The following SPATA6 variants were observed in gnomAD, a reference collection of about 807,000 sequenced individuals.
SPATA6 encodes the protein spermatogenesis associated 6.
A neutral mutation model predicts 65.3 loss-of-function variants in SPATA6; 56 were observed. The observed-to-expected ratio is 0.86, with a 90% confidence interval of 0.69 to 1.07. The LOEUF is 1.07. Among genes scored for constraint, SPATA6 ranks in the 50% least tolerant of loss-of-function variants. The probability of loss-of-function intolerance (pLI) is 0.00; values close to 1 mark genes in which losing one functional copy is unlikely to be tolerated. For missense variants in SPATA6, 590 were observed against 594.8 expected, an observed-to-expected ratio of 0.99 and a Z score of 0.08; for synonymous variants, 199 against 213.2, an observed-to-expected ratio of 0.93 and a Z score of 0.58.
At chr1:48,392,137 G>A (rs1359230753) in intron 8 of SPATA6, among the ~76,000 whole-genome samples, 1 of 152,082 alleles carries the variant, frequency 6.6e-6, no homozygotes, top group Non-Finnish European at 1.5e-5. Context: ...ACTAGGATTT[G>A]AAATGTTATT....
intron 5 of SPATA6, among the ~76,000 whole-genome samples, chr1:48,404,820 G>C (rs909427301): frequency 1.3e-5 from 2 of 152,046 alleles, no homozygotes; most frequent in African/African-American, 2.4e-5. Context: ...TCACCACCTT[G>C]AACACTGTTT....
At chr1:48,398,440 T>C (rs1258013215) in intron 7 of SPATA6, among the ~76,000 whole-genome samples, 2 of 151,722 alleles carry the variant, frequency 1.3e-5, no homozygotes, top group Non-Finnish European at 3.0e-5. Context: ...CAAAGGGGCA[T>C]ATTTACATGT....
At chr1:48,342,197 A>G (rs193126605) in intron 11 of SPATA6, among the ~76,000 whole-genome samples, 2 of 152,194 alleles carry the variant, frequency 1.3e-5, no homozygotes, top group African/African-American at 4.8e-5. Flanking sequence ...CATGGGTAAC[A>G]TGTATACAAA....
At chr1:48,448,260 CA>C (rs56675907) in intron 3 of SPATA6, among the ~76,000 whole-genome samples, 20,412 of 119,566 alleles carry the variant, frequency 0.17, 1,469 homozygotes, top group African/African-American at 0.23. Flanking sequence ...GATCCTGTCT[CA>C]AAAAAAAAAA....
the SPATA6 span, among the ~76,000 whole-genome samples, chr1:48,287,661 T>A: frequency 6.6e-6 from 1 of 152,228 alleles, no homozygotes; most frequent in African/African-American, 2.4e-5. Flanking sequence ...AGCTCTCCCT[T>A]TGCCTTCTGC....
intron 11 of SPATA6, among the ~76,000 whole-genome samples, chr1:48,320,570 T>G (rs541462957): frequency 6.6e-6 from 1 of 152,320 alleles, no homozygotes; most frequent in South Asian, 2.1e-4. Flanking sequence ...AAACAAGAGC[T>G]GAGGGACTTC....
At chr1:48,470,109 G>A (rs1570668159) in intron 1 of SPATA6, among the ~76,000 whole-genome samples, 1 of 152,294 alleles carries the variant, frequency 6.6e-6, no homozygotes, top group South Asian at 2.1e-4. Flanking sequence ...AAGTAACAAA[G>A]CTCCGTTATA....
intron 11 of SPATA6, among the ~76,000 whole-genome samples, chr1:48,341,509 T>C (rs1646214280): frequency 6.6e-6 from 1 of 152,190 alleles, no homozygotes. Context: ...GTGGTAGTAT[T>C]ATAAAGCTTG....
the SPATA6 span, among the ~76,000 whole-genome samples, chr1:48,266,722 T>G: frequency 6.6e-6 from 1 of 152,156 alleles, no homozygotes; most frequent in Admixed American, 6.5e-5. Flanking sequence ...CAAAAACAAT[T>G]CCCCTCCAGG....
the SPATA6 span, among the ~76,000 whole-genome samples, chr1:48,272,554 T>C: frequency 3.3e-5 from 5 of 152,168 alleles, no homozygotes; most frequent in African/African-American, 1.2e-4. Flanking sequence ...CCTTTGTGTA[T>C]ATATATACTA....
intron 11 of SPATA6, among the ~76,000 whole-genome samples, chr1:48,316,638 TA>T (rs1459949769): frequency 2.0e-5 from 3 of 152,112 alleles, no homozygotes; most frequent in African/African-American, 7.2e-5. Flanking sequence ...ACTTCATGTC[TA>T]AAACACCAAA....
Position 48,395,332 on chromosome 1 carries a change from G to T in SPATA6, c.803C>A (p.Ala268Asp), listed in dbSNP as rs201352333. 5.1e-5 allele frequency: 80 copies of T among 1,563,214 alleles called. No homozygotes were observed. Among genetic ancestry groups the T allele is most frequent in the Non-Finnish European group, 5.9e-5 (68 of 1,152,318 alleles). ...IRHVDPPSPRADTLLGSSGRD... is the reference protein window; with the variant it reads ...IRHVDPPSPRDDTLLGSSGRD... The stretch of plus-strand genomic sequence containing the variant: ...TCCAGAAGATCCCAATAAAGTATCA[G>T]CCCTGGGACTTGGGGGATCAACCTA... Residue 268 changes from alanine (A) to aspartate (D), a missense_variant, in exon 8 of 13, where the codon GCT (alanine) becomes GAT (aspartate). By Grantham distance (126) the Ala-to-Asp change is moderately radical. Coordinates refer to ENST00000371847, the MANE Select transcript of SPATA6 (RefSeq NM_019073.4).
At chr1:48,428,088 T>C (rs1341300369) in intron 3 of SPATA6, among the ~76,000 whole-genome samples, 1 of 152,204 alleles carries the variant, frequency 6.6e-6, no homozygotes, top group Non-Finnish European at 1.5e-5. Flanking sequence ...TCCATGCATA[T>C]GGAACCATAT....
At chr1:48,468,722 A>T (rs986651936) in intron 1 of SPATA6, among the ~76,000 whole-genome samples, 6 of 152,182 alleles carry the variant, frequency 3.9e-5, no homozygotes, top group East Asian at 1.9e-4. Flanking sequence ...TAAAAAAAAA[A>T]TAGAACTGCT....
intron 9 of SPATA6, among the ~76,000 whole-genome samples, chr1:48,362,556 A>G (rs982985894): frequency 3.9e-5 from 6 of 152,182 alleles, no homozygotes; most frequent in African/African-American, 1.4e-4. Context: ...CCTAAGAAAT[A>G]CAAAGATTTA....
At chr1:48,368,849 C>T (rs949532441) in intron 9 of SPATA6, among the ~76,000 whole-genome samples, 1 of 152,208 alleles carries the variant, frequency 6.6e-6, no homozygotes, top group African/African-American at 2.4e-5. Flanking sequence ...GAACTGCATT[C>T]CTTTGGAGAA....
intron 12 of SPATA6, among the ~76,000 whole-genome samples, chr1:48,300,845 T>G (rs1234995128): frequency 1.3e-5 from 2 of 151,978 alleles, no homozygotes; most frequent in African/African-American, 4.8e-5. Flanking sequence ...GAAAAAGCAT[T>G]CAATACAATT....
In SPATA6 at chr1:48,380,199, G is replaced by A. The variant is rs1194190042; in HGVS notation, c.909+5110C>T. 2.0e-5 allele frequency among the ~76,000 whole-genome samples: 3 copies of A among 152,250 alleles called. No individual in the cohort carries two copies. In the East Asian group the frequency reaches 5.8e-4, roughly 29 times the overall value. On this transcript the variant is annotated intron_variant, in intron 9 of 12. Coordinates refer to ENST00000371847, the MANE Select transcript of SPATA6 (RefSeq NM_019073.4). Reference sequence around the variant, plus strand: ...GTTCTGTGAGCACTCCTGGCTTCATGGCTCTTTTCCATATAGAAGTCCTAA... The same window carrying A: ...GTTCTGTGAGCACTCCTGGCTTCATAGCTCTTTTCCATATAGAAGTCCTAA...
At chr1:48,284,883 G>A in the SPATA6 span, among the ~76,000 whole-genome samples, 2 of 152,188 alleles carry the variant, frequency 1.3e-5, no homozygotes, top group East Asian at 3.9e-4. Flanking sequence ...GCTGGCAGGT[G>A]TCTCCAGTCA....
Sources: allele counts gnomAD v4.1 joint callset (sites outside exome capture counted in the v4.1 genomes callset), GRCh38; gene constraint gnomAD v4.1.1; transcripts MANE v1.5; gene names NCBI Gene and HGNC (gene_info 2026-07-23, HGNC 2026-07-21).